Variants in CHST9 observed in about 807,000 individuals in gnomAD.
CHST9 encodes carbohydrate sulfotransferase 9.
Under a neutral mutation model 44.4 loss-of-function variants are expected in CHST9, and 41 were observed. That is an observed-to-expected ratio of 0.92 (90% CI 0.72 to 1.20). CHST9 has a LOEUF of 1.20. CHST9 is among the 50% of genes most tolerant of loss of function. CHST9 has a pLI of 0.00. For missense variants in CHST9, 504 were observed against 516.5 expected (o/e 0.98, Z 0.23); for synonymous variants, 171 against 178.4 (o/e 0.96, Z 0.33).
At chr18:26,932,597 G>C (rs948785598) in intron 5 of CHST9, among the ~76,000 whole-genome samples, 1 of 152,118 alleles carries the variant, frequency 6.6e-6, no homozygotes, top group African/African-American at 2.4e-5. Context: ...TAAACTCCCA[G>C]GGACCAAGGA....
chr18:26,978,798 T>C (rs2056656538), intron 4 of CHST9, among the ~76,000 whole-genome samples: 1 of 152,196 alleles, frequency 6.6e-6, no homozygotes, highest in Non-Finnish European at 1.5e-5. Flanking sequence ...AAATGCCTCA[T>C]AAATTTCAAA....
At chr18:27,047,567 C>T (rs1366997733) in intron 3 of CHST9, among the ~76,000 whole-genome samples, 1 of 152,080 alleles carries the variant, frequency 6.6e-6, no homozygotes. Flanking sequence ...GCTGTTTATA[C>T]ACTTTTAGAT....
At chr18:27,053,573 A>G (rs1598677344) in intron 2 of CHST9, among the ~76,000 whole-genome samples, 1 of 152,034 alleles carries the variant, frequency 6.6e-6, no homozygotes, top group Non-Finnish European at 1.5e-5. Context: ...GGGGTTATCT[A>G]TTTTCTATGG....
intron 4 of CHST9, chr18:26,952,157 A>G: frequency 2.0e-6 from 1 of 510,598 alleles, no homozygotes. Flanking sequence ...AAGCTTCCAC[A>G]TCATAGCAGG....
chr18:26,937,486 G>C (rs1388215780), intron 5 of CHST9, among the ~76,000 whole-genome samples: 1 of 152,080 alleles, frequency 6.6e-6, no homozygotes, highest in East Asian at 1.9e-4. Flanking sequence ...GTATAATTGT[G>C]GAGAGAAAGG....
chr18:27,164,748 A>T (rs184399257), intron 1 of CHST9, among the ~76,000 whole-genome samples: 105 of 152,342 alleles, frequency 6.9e-4, no homozygotes, highest in Middle Eastern at 3.4e-3. Flanking sequence ...CATGAGGAGG[A>T]TCAAGAATCA....
chr18:26,998,739 C>CAAAAAAAAAAAAA (rs11480705), intron 4 of CHST9, among the ~76,000 whole-genome samples: 1 of 114,130 alleles, frequency 8.8e-6, no homozygotes, highest in Non-Finnish European at 1.9e-5. Flanking sequence ...ACAACAACAA[C>CAAAAAAAAAAAAA]AAAAAAAAAA....
intron 1 of CHST9, among the ~76,000 whole-genome samples, chr18:27,145,415 C>A (rs2058603887): frequency 6.6e-6 from 1 of 152,174 alleles, no homozygotes; most frequent in Non-Finnish European, 1.5e-5. Flanking sequence ...AACTCCTGAC[C>A]TCAGGCGATC....
At chr18:27,050,569 G>A (rs182567349) in intron 2 of CHST9, among the ~76,000 whole-genome samples, 12 of 152,182 alleles carry the variant, frequency 7.9e-5, no homozygotes, top group Admixed American at 2.0e-4. Context: ...CCCTTATGTC[G>A]CTGCCAAAAG....
At chr18:27,140,305 C>T (rs1284329837) in intron 2 of CHST9, among the ~76,000 whole-genome samples, 1 of 152,142 alleles carries the variant, frequency 6.6e-6, no homozygotes, top group African/African-American at 2.4e-5. Flanking sequence ...TAGAATAATA[C>T]TCACCTAGTA....
chr18:27,051,242 C>T (rs187222651), intron 2 of CHST9, among the ~76,000 whole-genome samples: 5 of 151,112 alleles, frequency 3.3e-5, no homozygotes, highest in Admixed American at 3.3e-4. Flanking sequence ...ATGAGACCAC[C>T]ATCTCTAAAT....
rs184408341 is a variant in CHST9, at chr18:27,013,702, T to G, written c.202+10414A>C. On this transcript the variant is annotated intron_variant, in intron 4 of 5. Coordinates refer to ENST00000618847, the MANE Select transcript of CHST9 (RefSeq NM_031422.6). ...TATATTAGCAGCAGGTGTTGTTTTG[T>G]ATTTAACTTATTATACACATTTTGT... 2.9e-3 allele frequency among the ~76,000 whole-genome samples: 436 copies of G among 152,368 alleles called. 1 individual carries two copies. Among genetic ancestry groups the G allele is most frequent in the Non-Finnish European group, 4.9e-3 (333 of 68,026 alleles).
chr18:27,085,787 T>C (rs1243569798), intron 2 of CHST9, among the ~76,000 whole-genome samples: 4 of 152,124 alleles, frequency 2.6e-5, no homozygotes, highest in African/African-American at 4.8e-5. Flanking sequence ...CAAAGGAATA[T>C]AAATTCTTCT....
chr18:26,999,145 G>T (rs1202010121), intron 4 of CHST9, among the ~76,000 whole-genome samples: 1 of 152,166 alleles, frequency 6.6e-6, no homozygotes, highest in Non-Finnish European at 1.5e-5. Context: ...TCACAATAAT[G>T]AGATTGTGCA....
At chr18:27,010,758 T>C (rs918690504) in intron 4 of CHST9, among the ~76,000 whole-genome samples, 1 of 152,172 alleles carries the variant, frequency 6.6e-6, no homozygotes, top group Non-Finnish European at 1.5e-5. Flanking sequence ...CAAGGGATGA[T>C]GGGAAGCCCC....
chr18:27,095,354 T>C (rs1339543565), intron 2 of CHST9, among the ~76,000 whole-genome samples: 1 of 152,154 alleles, frequency 6.6e-6, no homozygotes, highest in Non-Finnish European at 1.5e-5. Flanking sequence ...GTATATAGCC[T>C]GCAGAACCTA....
intron 4 of CHST9, among the ~76,000 whole-genome samples, chr18:27,009,204 T>TAA (rs1450138373): frequency 6.6e-6 from 1 of 152,174 alleles, no homozygotes; most frequent in Admixed American, 6.5e-5. Context: ...AGAGACAGTT[T>TAA]CATCTCCCCT....
chr18:26,991,837 C>A (rs1174517544), intron 4 of CHST9, among the ~76,000 whole-genome samples: 1 of 126,522 alleles, frequency 7.9e-6, no homozygotes, highest in Non-Finnish European at 1.8e-5. Context: ...TGGCCCAGAG[C>A]AGTTTTGTAA....
chr18:26,916,727 T>C lies in CHST9; in HGVS notation c.864A>G (p.Ser288=). 1 of 1,613,970 alleles carries C rather than the reference T, an allele frequency of 6.2e-7. No homozygotes were observed. The highest frequency in any genetic ancestry group is 8.5e-7 in the Non-Finnish European group (1 of 1,179,854). Residue 288 remains serine, a synonymous_variant, in exon 6 of 6, where the codon TCA becomes TCG. Coordinates refer to ENST00000618847, the MANE Select transcript of CHST9 (RefSeq NM_031422.6). ...FVRDPMERLV[S]AFRDKFEHPN... ...GGTGTTCAAATTTGTCCCTAAAGGC[T>C]GATACTAATCTTTCCATGGGATCAC...
Sources: gnomAD v4.1 joint callset for allele counts (sites outside exome capture counted in the v4.1 genomes callset) on GRCh38, gnomAD v4.1.1 for gene constraint, MANE v1.5 for transcripts, NCBI Gene and HGNC (gene_info 2026-07-23, HGNC 2026-07-21) for gene names.